HPSE2: variants seen among roughly 807,000 people sequenced by gnomAD.
The protein encoded by HPSE2 is heparanase 2 (inactive), also known as inactive heparanase-2.
In HPSE2, 38 loss-of-function variants were observed where a neutral mutation model predicts 60.5. The ratio of observed to expected loss-of-function variants is 0.63; its 90% CI spans 0.48 to 0.82. HPSE2 has a LOEUF of 0.82. Ranked by LOEUF, HPSE2 falls within the 40% of genes least tolerant of loss-of-function variation. HPSE2 has a pLI of 0.00. For synonymous variants in HPSE2, 295 were observed against 293.2 expected (o/e 1.01, Z -0.06); for missense variants, 713 against 740.4 (o/e 0.96, Z 0.43).
intron 3 of HPSE2, among the ~76,000 whole-genome samples, chr10:98,750,654 A>AG (rs1390513637): frequency 6.6e-6 from 1 of 152,122 alleles, no homozygotes; most frequent in Non-Finnish European, 1.5e-5. Flanking sequence ...GTGGTGTGTG[A>AG]GAAAAAAAGA....
chr10:98,635,788 A>AG (rs1201085931), intron 7 of HPSE2, among the ~76,000 whole-genome samples: 4 of 151,548 alleles, frequency 2.6e-5, no homozygotes, highest in Non-Finnish European at 5.9e-5. Flanking sequence ...TCTCATGAAA[A>AG]AAAAAAAAAA....
At chr10:99,049,520 A>G (rs1301614198) in intron 3 of HPSE2, among the ~76,000 whole-genome samples, 1 of 152,164 alleles carries the variant, frequency 6.6e-6, no homozygotes, top group East Asian at 1.9e-4. Context: ...AAGCAAGAGA[A>G]AAACTCTTAA....
At chr10:99,265,449 G>C in the HPSE2 span, among the ~76,000 whole-genome samples, 1 of 152,146 alleles carries the variant, frequency 6.6e-6, no homozygotes, top group African/African-American at 2.4e-5. Flanking sequence ...GCTTGGGGCG[G>C]GGAGAGCAAA....
At chr10:98,466,028 C>T (rs1043785319) in intron 11 of HPSE2, among the ~76,000 whole-genome samples, 5 of 152,210 alleles carry the variant, frequency 3.3e-5, no homozygotes, top group African/African-American at 4.8e-5. Flanking sequence ...GTCACTCCCC[C>T]GCTACCCTCC....
the HPSE2 span, among the ~76,000 whole-genome samples, chr10:99,306,938 G>A: frequency 2.6e-5 from 4 of 152,208 alleles, no homozygotes; most frequent in East Asian, 1.9e-4. Flanking sequence ...TCGAACGCCC[G>A]ACCTCAGGTG....
intron 3 of HPSE2, among the ~76,000 whole-genome samples, chr10:99,034,602 T>C (rs10786497): frequency 0.63 from 95,594 of 152,012 alleles, 31,509 homozygotes; most frequent in East Asian, 0.77. Context: ...TACACAGATA[T>C]AGAAAAACAG....
chr10:98,805,203 T>C (rs1951014685), intron 3 of HPSE2, among the ~76,000 whole-genome samples: 1 of 152,246 alleles, frequency 6.6e-6, no homozygotes, highest in South Asian at 2.1e-4. Flanking sequence ...CAGTGTTCTA[T>C]TACTGGAATG....
chr10:99,212,430 T>G (rs1192713556), intron 2 of HPSE2, among the ~76,000 whole-genome samples: 2 of 151,870 alleles, frequency 1.3e-5, no homozygotes, highest in African/African-American at 2.4e-5. Flanking sequence ...AACAGATAAA[T>G]AAAGAAAATG....
chr10:98,745,891 T>C (rs892975827), intron 3 of HPSE2, among the ~76,000 whole-genome samples: 11 of 152,266 alleles, frequency 7.2e-5, no homozygotes, highest in African/African-American at 2.4e-4. Context: ...AGTGTCCAAG[T>C]TACCCCATTA....
intron 3 of HPSE2, among the ~76,000 whole-genome samples, chr10:99,039,894 CAG>C (rs1438754889): frequency 6.6e-6 from 1 of 152,120 alleles, no homozygotes; most frequent in Non-Finnish European, 1.5e-5. Flanking sequence ...CAAAAATAAC[CAG>C]AGTCAGGGCT....
intron 9 of HPSE2, among the ~76,000 whole-genome samples, chr10:98,492,693 T>A (rs367877661): frequency 1.3e-5 from 2 of 152,160 alleles, no homozygotes; most frequent in East Asian, 3.9e-4. Context: ...CATGTCACTC[T>A]CTAAAAAAGG....
At position 98,654,668 on chromosome 10, in the gene HPSE2, G is replaced by A. The variant is rs576258684; in HGVS notation, c.1005-12728C>T. 4.8e-4 allele frequency among the ~76,000 whole-genome samples: 73 copies of A among 152,134 alleles called. 1 individual carries two copies. The highest frequency in any genetic ancestry group is 3.1e-3 in the Admixed American group (47 of 15,278). ...TAGAGCACTTAATGTATTAATCATA[G>A]TTAAATTCTCCATCTAGTAATTCTA... On this transcript the variant is annotated intron_variant, in intron 6 of 11. Coordinates refer to ENST00000370552, the MANE Select transcript of HPSE2 (RefSeq NM_021828.5).
At chr10:98,724,789 C>A (rs566899893) in intron 4 of HPSE2, among the ~76,000 whole-genome samples, 36 of 152,092 alleles carry the variant, frequency 2.4e-4, no homozygotes, top group Admixed American at 3.3e-4. Flanking sequence ...GGATTGCAAA[C>A]CCTCAGGACA....
In HPSE2 at chr10:99,144,351, A is replaced by G. The variant is rs1845973607; in HGVS notation, c.497T>C (p.Ile166Thr). The change falls in exon 3 of 12, where the codon ATT (isoleucine) becomes ACT (threonine). Residue 166 changes from isoleucine to threonine, a missense_variant. Coordinates refer to ENST00000370552, the MANE Select transcript of HPSE2 (RefSeq NM_021828.5). ...VALDKQKGCK[I>T]AQHPDVMLEL... ...CAGCATAACATCAGGGTGCTGGGCAATCTTGCAGCCTTTCTGTTTATCTAA... is the reference window on the plus strand; with the variant it reads ...CAGCATAACATCAGGGTGCTGGGCAGTCTTGCAGCCTTTCTGTTTATCTAA... The G allele has an allele frequency of 6.2e-7, 1 of 1,614,100 alleles. No individual in the cohort carries two copies. The highest frequency in any genetic ancestry group is 1.1e-5 in the South Asian group (1 of 91,070).
At chr10:98,852,113 A>ATATATGTGTGTGTGTGTGTGTGTG (rs779720749) in intron 3 of HPSE2, among the ~76,000 whole-genome samples, 1 of 91,930 alleles carries the variant, frequency 1.1e-5, no homozygotes, top group Non-Finnish European at 2.1e-5. Context: ...GTATATTATG[A>ATATATGTGTGTGTGTGTGTGTGTG]TGTGTGTGTG....
chr10:98,741,142 C>T, intron 4 of HPSE2, among the ~76,000 whole-genome samples: 1 of 151,964 alleles, frequency 6.6e-6, no homozygotes, highest in East Asian at 1.9e-4. Flanking sequence ...TAGAAAGGCA[C>T]TCTAAGGGGA....
At chr10:99,218,651 A>T (rs1435605005) in intron 2 of HPSE2, among the ~76,000 whole-genome samples, 1 of 152,220 alleles carries the variant, frequency 6.6e-6, no homozygotes, top group African/African-American at 2.4e-5. Flanking sequence ...CATTTCATAA[A>T]TGTAAGTTTT....
chr10:99,184,701 A>G (rs2133841081), intron 2 of HPSE2, among the ~76,000 whole-genome samples: 1 of 146,808 alleles, frequency 6.8e-6, no homozygotes, highest in East Asian at 2.0e-4. Context: ...AAATGAAAAA[A>G]TATTAGATTG....
At position 98,794,566 on chromosome 10, in the gene HPSE2, C is replaced by T. The variant is rs1019996395; in HGVS notation, c.611-50510G>A. Among the ~76,000 whole-genome samples, 5 of 152,190 alleles carry T rather than the reference C, an allele frequency of 3.3e-5. No homozygotes were observed. In the South Asian group the frequency reaches 1.0e-3, roughly 32 times the overall value. ...GGCTGCATTGCATTTAATGTTCATGCCTCTTTAGTTCCTAATATTTTCTTG... is the reference window on the plus strand; with the variant it reads ...GGCTGCATTGCATTTAATGTTCATGTCTCTTTAGTTCCTAATATTTTCTTG... On this transcript the variant is annotated intron_variant, in intron 3 of 11. Coordinates refer to ENST00000370552, the MANE Select transcript of HPSE2 (RefSeq NM_021828.5).
Sources: gnomAD v4.1 joint callset for allele counts (sites outside exome capture counted in the v4.1 genomes callset) on GRCh38, gnomAD v4.1.1 for gene constraint, MANE v1.5 for transcripts, NCBI Gene and HGNC (gene_info 2026-07-23, HGNC 2026-07-21) for gene names.